The following PDE9A variants were observed in gnomAD, a reference collection of about 807,000 sequenced individuals.
The protein encoded by PDE9A is high affinity cGMP-specific 3',5'-cyclic phosphodiesterase 9A.
Under a neutral mutation model 87.4 loss-of-function variants are expected in PDE9A, and 60 were observed. That is an observed-to-expected ratio of 0.69 (90% confidence interval 0.56 to 0.85). The LOEUF is 0.85. Among genes scored for constraint, PDE9A ranks in the 40% least tolerant of loss-of-function variants. The pLI is 0.00. For missense variants in PDE9A, 665 were observed against 779.0 expected (o/e 0.85, Z 1.74); for synonymous variants, 272 against 279.4 (o/e 0.97, Z 0.27).
In PDE9A at chr21:42,692,353, A is replaced by G. The variant is rs11700836; in HGVS notation, c.218+4359A>G. Among the ~76,000 whole-genome samples, 102,504 of 152,034 alleles carry G rather than the reference A, an allele frequency of 0.67. 35,362 individuals are homozygous for G. The highest frequency in any genetic ancestry group is 0.94 in the East Asian group (4,840 of 5,144). ...CTGATGGGTGGAGACCCGGGATGCC[A>G]ATGGCATCCTACAGCGCACAGGACA... On this transcript the variant is annotated intron_variant, in intron 3 of 19. Transcript: ENST00000291539. This position sits in a 1 kb window ranked among gnomAD's most constrained non-coding sequence, Gnocchi z 4.3.
At chr21:42,680,623 T>C (rs565489338) in intron 1 of PDE9A, among the ~76,000 whole-genome samples, 4 of 152,212 alleles carry the variant, frequency 2.6e-5, no homozygotes, top group Admixed American at 1.3e-4. Flanking sequence ...CCATGGCCCG[T>C]ACCAACCGTG....
intron 19 of PDE9A, among the ~76,000 whole-genome samples, chr21:42,773,199 T>C (rs1602617313): frequency 6.9e-6 from 1 of 145,970 alleles, no homozygotes; most frequent in South Asian, 2.2e-4. Flanking sequence ...GAGGTGGAGG[T>C]TGCAGTGAGC....
chr21:42,726,593 C>CATATATATATATATATATATAT (rs898602288), intron 4 of PDE9A, among the ~76,000 whole-genome samples: 1 of 38,238 alleles, frequency 2.6e-5, no homozygotes, highest in Non-Finnish European at 4.1e-5. Flanking sequence ...CACGCCTGGC[C>CATATATATATATATATATATAT]ATATATATAT....
At chr21:42,755,861 G>A (rs1263379567) in intron 10 of PDE9A, among the ~76,000 whole-genome samples, 1 of 152,242 alleles carries the variant, frequency 6.6e-6, no homozygotes, top group East Asian at 1.9e-4. Flanking sequence ...GCCAAGCCAG[G>A]GGCCACTGAT....
At chr21:42,654,055 G>T (rs866026945) in intron 1 of PDE9A, among the ~76,000 whole-genome samples, 172 bp downstream of exon 1, 13 of 149,376 alleles carry the variant, frequency 8.7e-5, no homozygotes, top group African/African-American at 3.2e-4. Flanking sequence ...CCCGGGGAAA[G>T]GGGCGACTCG....
chr21:42,725,229 T>C (rs2050913947), intron 4 of PDE9A, among the ~76,000 whole-genome samples: 1 of 151,992 alleles, frequency 6.6e-6, no homozygotes, highest in Non-Finnish European at 1.5e-5. Flanking sequence ...CTCTCTCTTT[T>C]TTGTTTTTGT....
In PDE9A at chr21:42,733,433, G is replaced by C; in HGVS notation, c.568+7G>C. 1 of 1,563,262 alleles carries C rather than the reference G, an allele frequency of 6.4e-7. No individual in the cohort carries two copies. The highest frequency in any genetic ancestry group is 2.2e-5 in the East Asian group (1 of 44,656). ...CTAGAGAAACGCGTGGAATGTGAGT[G>C]ACGTTTCTGTTTCCTTTTTGCTTCT... On this transcript the variant is annotated splice_region_variant and intron_variant, in intron 7 of 19. Transcript: ENST00000291539.
chr21:42,737,006 A>G (rs890693772), intron 7 of PDE9A, among the ~76,000 whole-genome samples: 17 of 152,254 alleles, frequency 1.1e-4, no homozygotes, highest in African/African-American at 4.1e-4. Flanking sequence ...AAGAGCCCAG[A>G]CATTTTAGGA....
chr21:42,691,771 C>T (rs2059853785), intron 3 of PDE9A, among the ~76,000 whole-genome samples: 1 of 151,576 alleles, frequency 6.6e-6, no homozygotes, highest in Admixed American at 6.6e-5. Flanking sequence ...AGACCCATGA[C>T]CATCACCATC....
chr21:42,772,390 C>T, intron 18 of PDE9A, 49 bp from the exon 19 acceptor site: 2 of 1,241,902 alleles, frequency 1.6e-6, no homozygotes, highest in Middle Eastern at 2.2e-4. Context: ...CAGACACTCC[C>T]CTGCTGTCTC....
In PDE9A at chr21:42,686,188, G is replaced by T. The variant is rs1432207434; in HGVS notation, c.70-4G>T. 1 of 1,613,358 alleles carries T rather than the reference G, an allele frequency of 6.2e-7. No homozygotes were observed. The highest frequency in any genetic ancestry group is 1.1e-5 in the South Asian group (1 of 91,062). ...TGCCGCCTCACCGCGCTTCTGTTTT[G>T]CAGGTAATCTTCAGCAAGTACTGCA... is the stretch of plus-strand genomic sequence containing the variant. On this transcript the variant is annotated splice_region_variant and splice_polypyrimidine_tract_variant and intron_variant, in intron 1 of 19. Transcript: ENST00000291539.
intron 10 of PDE9A, 134 bp downstream of exon 10, chr21:42,754,198 C>T: frequency 1.8e-6 from 1 of 563,450 alleles, no homozygotes; most frequent in Non-Finnish European, 3.1e-6. Context: ...AAAAAAAAAA[C>T]AAAACTTGTT....
chr21:42,758,646 C>T (rs1225405532), intron 10 of PDE9A: 1 of 235,782 alleles, frequency 4.2e-6, no homozygotes, highest in Non-Finnish European at 8.4e-6. Context: ...CAATAAATTC[C>T]TTTTTGGTGC....
intron 1 of PDE9A, among the ~76,000 whole-genome samples, chr21:42,655,153 C>G (rs2056960593): frequency 6.6e-6 from 1 of 152,176 alleles, no homozygotes; most frequent in Admixed American, 6.5e-5. Context: ...CTCACAAACA[C>G]ACACACGCAC....
rs998339428 is a variant in PDE9A, at chr21:42,660,294, C to G, written c.69+6411C>G. ...TGTCTGCACTCCTTGGCTTTCTCCC[C>G]AGACAAACCCACCCTGAGCTCAGGA... On this transcript the variant is annotated intron_variant, in intron 1 of 19. Coordinates refer to ENST00000291539, the MANE Select transcript of PDE9A (RefSeq NM_002606.3). The surrounding 1 kb of genome is among the most constrained non-coding windows in gnomAD (Gnocchi z 4.7). Among the ~76,000 whole-genome samples, 3 of 152,204 alleles carry G rather than the reference C, an allele frequency of 2.0e-5. No individual in the cohort carries two copies. Among genetic ancestry groups the G allele is most frequent in the African/African-American group, 7.2e-5 (3 of 41,440 alleles).
At chr21:42,732,807 G>A (rs922903810) in intron 6 of PDE9A, among the ~76,000 whole-genome samples, 1 of 152,200 alleles carries the variant, frequency 6.6e-6, no homozygotes, top group Non-Finnish European at 1.5e-5. Flanking sequence ...CCAGCTACCC[G>A]GGAGGCTGAG....
chr21:42,775,138 C>T (rs2057393990), intron 19 of PDE9A, 142 bp from the exon 20 acceptor site: 3 of 669,822 alleles, frequency 4.5e-6, no homozygotes, highest in Admixed American at 2.6e-5. Flanking sequence ...GACAGGGTTT[C>T]ACCATGTTGG....
chr21:42,684,478 G>C (rs1315310068), intron 1 of PDE9A, among the ~76,000 whole-genome samples: 7 of 152,234 alleles, frequency 4.6e-5, no homozygotes, highest in Non-Finnish European at 4.4e-5. Flanking sequence ...GGCTGAGGAT[G>C]GTGCCATGGT....
intron 4 of PDE9A, among the ~76,000 whole-genome samples, chr21:42,718,914 G>C (rs966717428): frequency 6.6e-6 from 1 of 151,716 alleles, no homozygotes; most frequent in Non-Finnish European, 1.5e-5. Flanking sequence ...TGTTAATTTT[G>C]CTCCAGCAGT....
Sources: allele counts gnomAD v4.1 joint callset (sites outside exome capture counted in the v4.1 genomes callset), GRCh38; gene constraint gnomAD v4.1.1; non-coding constraint Gnocchi (gnomAD v3.1); transcripts MANE v1.5; gene names NCBI Gene and HGNC (gene_info 2026-07-23, HGNC 2026-07-21).